DNHD1: variants seen among roughly 807,000 people sequenced by gnomAD.
The protein encoded by DNHD1 is dynein heavy chain domain 1.
Under a neutral mutation model 458.1 loss-of-function variants are expected in DNHD1, and 383 were observed. The observed-to-expected ratio is 0.84, with a 90% CI of 0.77 to 0.91. The LOEUF is 0.91. DNHD1 is among the 40% of genes least tolerant of loss of function. The pLI, the probability that DNHD1 is intolerant of heterozygous loss-of-function variation, is 0.00. For missense variants in DNHD1, 5,336 were observed against 5,866.1 expected (o/e 0.91, Z 2.95); for synonymous variants, 2,203 against 2,376.9 (o/e 0.93, Z 2.13).
At position 6,569,400 on chromosome 11, in the gene DNHD1, G is replaced by A. The variant is rs1039583763; in HGVS notation, c.12863+534G>A. ...TGGGAGGCTGAGGCAGGAGAATGGCGTGAACCTGGGAGGTGGAGCTTGCAG... is the reference window on the plus strand; with the variant it reads ...TGGGAGGCTGAGGCAGGAGAATGGCATGAACCTGGGAGGTGGAGCTTGCAG... On this transcript the variant is annotated intron_variant, in intron 39 of 42. Coordinates refer to ENST00000254579, the MANE Select transcript of DNHD1 (RefSeq NM_144666.3). Among the ~76,000 whole-genome samples, 2 of 151,912 alleles carry A rather than the reference G, an allele frequency of 1.3e-5. 1 individual carries two copies. The highest frequency in any genetic ancestry group is 1.3e-4 in the Admixed American group (2 of 15,254).
intron 14 of DNHD1, 84 bp downstream of exon 14, chr11:6,534,257 T>C: frequency 7.2e-7 from 1 of 1,398,118 alleles, no homozygotes; most frequent in Non-Finnish European, 9.6e-7. Flanking sequence ...GGGTTCTGTG[T>C]CCTGTATGAC....
Position 6,519,981 on chromosome 11 carries a change from C to G in DNHD1, c.1664C>G (p.Pro555Arg). Residue 555 changes from proline (P) to arginine (R), a missense_variant, in exon 9 of 43, where the codon CCC (proline) becomes CGC (arginine). By Grantham distance (103) the Pro-to-Arg change is moderately radical. Transcript: ENST00000254579. ...ANILQAPRQKPFLSSQLVFDD... is the reference protein window; with the variant it reads ...ANILQAPRQKRFLSSQLVFDD... ...TTTTTACAGGCCCCAAGGCAGAAAC[C>G]CTTTCTCTCATCACAGCTGGTCTTT... 6.2e-7 allele frequency: 1 copy of G among 1,614,168 alleles called. No individual in the cohort carries two copies. The highest frequency in any genetic ancestry group is 8.5e-7 in the Non-Finnish European group (1 of 1,180,032).
At chr11:6,515,746 A>G (rs1852448557) in intron 7 of DNHD1, among the ~76,000 whole-genome samples, 1 of 148,414 alleles carries the variant, frequency 6.7e-6, no homozygotes, top group Non-Finnish European at 1.5e-5. Context: ...GGCCAAGCTC[A>G]TTCACTGTTT....
chr11:6,552,459 G>A (rs1853376762), intron 24 of DNHD1, among the ~76,000 whole-genome samples: 1 of 152,130 alleles, frequency 6.6e-6, no homozygotes, highest in South Asian at 2.1e-4. Flanking sequence ...GGGAGGCAGA[G>A]GTTGCAACGA....
At position 6,538,794 on chromosome 11, in the gene DNHD1, C is replaced by G; in HGVS notation, c.3309C>G (p.Cys1103Trp). The G allele has an allele frequency of 1.3e-6, 2 of 1,521,956 alleles. No individual in the cohort carries two copies. Among genetic ancestry groups the G allele is most frequent in the Non-Finnish European group, 1.8e-6 (2 of 1,129,144 alleles). The allele number at this position is 1,521,956 out of a possible 1,614,324, so 94.3% of individuals were successfully genotyped here. A position where few individuals can be genotyped will look rare whatever the true frequency, so the allele number is the denominator to read the frequency against. ...LGSLHPQSLNCQCLLRALGLG... is the reference protein window; with the variant it reads ...LGSLHPQSLNWQCLLRALGLG... ...GCCTCCACCCACAGAGCCTCAACTG[C>G]CAGTGTCTCCTGCGTGGTATGTTTG... is the stretch of plus-strand genomic sequence containing the variant. Residue 1103 changes from cysteine (C) to tryptophan (W), a missense_variant, in exon 16 of 43, where the codon TGC becomes TGG. This residue lies in a region of DNHD1 where 3,932 missense variants were observed against 4,365.6 expected (regional missense o/e 0.90). Transcript: ENST00000254579.
At chr11:6,513,060 G>A (rs1852379101) in intron 7 of DNHD1, among the ~76,000 whole-genome samples, 1 of 152,074 alleles carries the variant, frequency 6.6e-6, no homozygotes, top group South Asian at 2.1e-4. Context: ...TTAGCTTCCA[G>A]ACAATAAATG....
At chr11:6,511,222 C>T (rs780431988) in intron 6 of DNHD1, 51 bp from the exon 7 acceptor site, 2 of 1,598,858 alleles carry the variant, frequency 1.3e-6, no homozygotes, top group Admixed American at 3.5e-5. Flanking sequence ...TCAAAGGTAT[C>T]CAAGGAAGGA....
At chr11:6,532,610 T>C (rs1790887256) in intron 12 of DNHD1, among the ~76,000 whole-genome samples, 1 of 152,174 alleles carries the variant, frequency 6.6e-6, no homozygotes, top group South Asian at 2.1e-4. Flanking sequence ...GAATTAATAC[T>C]CAACACATCC....
At chr11:6,561,925 G>A (rs563814456) in intron 28 of DNHD1, among the ~76,000 whole-genome samples, 1 of 152,268 alleles carries the variant, frequency 6.6e-6, no homozygotes, top group African/African-American at 2.4e-5. Context: ...ATGAGTAGGG[G>A]CCTGGTCATG....
chr11:6,519,928 C>T, intron 8 of DNHD1, 37 bp from the exon 9 acceptor site: 1 of 1,613,584 alleles, frequency 6.2e-7, no homozygotes, highest in East Asian at 2.2e-5. Context: ...ATACTGACAT[C>T]TAGCCCCTCG....
chr11:6,553,775 T>G (rs1853408483), intron 24 of DNHD1, among the ~76,000 whole-genome samples: 1 of 152,126 alleles, frequency 6.6e-6, no homozygotes, highest in Middle Eastern at 3.2e-3. Flanking sequence ...TACTTAGGAA[T>G]AAATTTAATT....
At chr11:6,539,761 C>A in intron 17 of DNHD1, 115 bp from the exon 18 acceptor site, 1 of 959,352 alleles carries the variant, frequency 1.0e-6, no homozygotes, top group Non-Finnish European at 1.6e-6. Context: ...GAGACCTCCA[C>A]TTTCCTGAGC....
In DNHD1 at chr11:6,557,804, T is replaced by C. The variant is rs867898045; in HGVS notation, c.8509T>C (p.Tyr2837His). Residue 2837 changes from tyrosine to histidine, a missense_variant, in exon 25 of 43, where the codon TAC becomes CAC. Physicochemically the swap from Tyr to His is moderately conservative, Grantham distance 83. Around this residue, in one of 4 missense-constraint regions of DNHD1, gnomAD observed 3,932 missense variants for 4,365.6 expected, o/e 0.90. Coordinates refer to ENST00000254579, the MANE Select transcript of DNHD1 (RefSeq NM_144666.3). ...GCCTAACTCTGAGACCCCCAACTTG[T>C]ACCTGGAACGACAGTGGGAGAAGCT... ...LGPNSETPNL[Y>H]LERQWEKLEE... 1.3e-6 allele frequency: 2 copies of C among 1,551,368 alleles called. No individual in the cohort carries two copies. The highest frequency in any genetic ancestry group is 2.7e-5 in the African/African-American group (2 of 73,042).
At chr11:6,525,752 A>T (rs889701095) in intron 10 of DNHD1, among the ~76,000 whole-genome samples, 1 of 152,066 alleles carries the variant, frequency 6.6e-6, no homozygotes, top group Non-Finnish European at 1.5e-5. Context: ...TCCTTTGTGT[A>T]TCTTAAATAT....
intron 16 of DNHD1, 51 bp downstream of exon 16, chr11:6,538,861 G>A: frequency 7.0e-7 from 1 of 1,427,586 alleles, no homozygotes; most frequent in East Asian, 2.5e-5. Flanking sequence ...TGTGAGGTTA[G>A]AGCGATGCAG....
intron 26 of DNHD1, 22 bp downstream of exon 26, chr11:6,558,715 T>C: frequency 6.5e-7 from 1 of 1,545,666 alleles, no homozygotes; most frequent in Non-Finnish European, 8.7e-7. Flanking sequence ...TTACTTGTCC[T>C]TACCACTCAT....
rs16915423 is a variant in DNHD1 at position 6,564,440 on chromosome 11, C to T, written c.10392C>T (p.Asp3464=). 69,806 of 1,551,600 alleles carry T rather than the reference C, an allele frequency of 0.045. 4,034 individuals are homozygous for T. The highest frequency in any genetic ancestry group is 0.27 in the African/African-American group (19,704 of 73,108). ...CATTGCGGCGCCAAGAGCTACTGGACGAGTGGTTAGCTCTGTGTAGGGGCT... is the reference window on the plus strand; with the variant it reads ...CATTGCGGCGCCAAGAGCTACTGGATGAGTGGTTAGCTCTGTGTAGGGGCT... ...FPPLRRQELL[D]EWLALCRGFQ... is the part of the protein sequence containing the mutation. The change falls in exon 32 of 43, where the codon GAC becomes GAT. Residue 3464 remains aspartate (D), a synonymous_variant. Coordinates refer to ENST00000254579, the MANE Select transcript of DNHD1 (RefSeq NM_144666.3).
rs1259028862 is a variant in DNHD1, at chr11:6,546,528, T to A, written c.5589T>A (p.Arg1863=). 1 of 1,551,276 alleles carries A rather than the reference T, an allele frequency of 6.4e-7. No homozygotes were observed. Among genetic ancestry groups the A allele is most frequent in the Non-Finnish European group, 8.7e-7 (1 of 1,146,986 alleles). Residue 1863 remains arginine (R), a synonymous_variant, in exon 21 of 43, where the codon CGT becomes CGA. Coordinates refer to ENST00000254579, the MANE Select transcript of DNHD1 (RefSeq NM_144666.3). ...TATCCAAATTCTTCTCTCTAGAGCG[T>A]GAGCTGGTGTCTGGGCCCCTGCCCT... The part of the protein sequence containing the change: ...TRLSKFFSLE[R]ELVSGPLPCR...
At chr11:6,552,780 T>C (rs554099731) in intron 24 of DNHD1, among the ~76,000 whole-genome samples, 2 of 152,050 alleles carry the variant, frequency 1.3e-5, no homozygotes, top group African/African-American at 4.8e-5. Flanking sequence ...CCTCAACATA[T>C]GGGGATTACA....
Sources: gnomAD v4.1 joint callset for allele counts (sites outside exome capture counted in the v4.1 genomes callset) on GRCh38, gnomAD v4.1.1 for gene constraint, gnomAD v4.1.1 regional missense constraint, MANE v1.5 for transcripts, NCBI Gene and HGNC (gene_info 2026-07-23, HGNC 2026-07-21) for gene names.